The following HAUS8 variants were observed in gnomAD, a reference collection of about 807,000 sequenced individuals.
HAUS8 encodes the protein HAUS augmin-like complex subunit 8.
A neutral mutation model predicts 42.9 loss-of-function variants in HAUS8; 38 were observed. The ratio of observed to expected loss-of-function variants is 0.89; its 90% CI spans 0.68 to 1.16. HAUS8 has a LOEUF of 1.16. Ranked by LOEUF, HAUS8 falls within the 50% of genes most tolerant of loss-of-function variation. The pLI, the probability that HAUS8 is intolerant of heterozygous loss-of-function variation, is 0.00. For synonymous variants in HAUS8, 199 were observed against 205.8 expected, an observed-to-expected ratio of 0.97 and a Z score of 0.28; for missense variants, 494 against 511.6, an observed-to-expected ratio of 0.97 and a Z score of 0.33.
chr19:17,068,610 G>A (rs955184685), intron 3 of HAUS8, among the ~76,000 whole-genome samples: 2 of 151,900 alleles, frequency 1.3e-5, no homozygotes, highest in Non-Finnish European at 2.9e-5. Flanking sequence ...CTACAAAAAC[G>A]TTTAAAAATT....
rs201212472 is a variant in HAUS8, at chr19:17,049,998, C to T, written c.1108G>A (p.Asp370Asn). 55 of 1,604,048 alleles carry T rather than the reference C, an allele frequency of 3.4e-5. No individual in the cohort carries two copies. The highest frequency in any genetic ancestry group is 1.6e-4 in the South Asian group (14 of 89,738). ...GGGGCTGACGAGGCACCCGGGTTGT[C>T]GTCCTCAGACAGGGGCGTGTTCTTG... ...APKNTPLSED[D>N]NPGASSAPAQ... The change falls in exon 11 of 11, where the codon GAC becomes AAC. Residue 370 changes from aspartate to asparagine, a missense_variant. By Grantham distance (23) the Asp-to-Asn change is conservative (BLOSUM62 1). Transcript: ENST00000253669.
In HAUS8 at chr19:17,050,023, G is replaced by C; in HGVS notation, c.1083C>G (p.Pro361=). The change falls in exon 11 of 11, where the codon CCC becomes CCG. Residue 361 remains proline, a synonymous_variant. Transcript: ENST00000253669. ...DSACRESGGA[P]KNTPLSEDDN... is the part of the protein sequence containing the mutation. ...CGTCCTCAGACAGGGGCGTGTTCTT[G>C]GGTGCTCCCCCAGATTCTCTGCAGG... 4 of 1,608,870 alleles carry C rather than the reference G, an allele frequency of 2.5e-6. No individual in the cohort carries two copies. In the South Asian group the frequency reaches 4.4e-5, roughly 18 times the overall value.
rs371460670 is a variant in HAUS8 at position 17,058,512 on chromosome 19, A to C, written c.645+37T>G. On this transcript the variant is annotated intron_variant, in intron 8 of 10. Transcript: ENST00000253669. ...GTGGAGATGGGACAGATTCACAGGG[A>C]ACACTCACTGGTCACAGAGTGTCAC... 1.4e-4 allele frequency: 210 copies of C among 1,540,718 alleles called. No homozygotes were observed. The South Asian group carries it at 2.3e-3, about 17-fold the overall frequency.
intron 8 of HAUS8, 87 bp downstream of exon 8, chr19:17,058,462 C>A: frequency 7.5e-7 from 1 of 1,329,400 alleles, no homozygotes; most frequent in South Asian, 1.4e-5. Context: ...AGCAATGATA[C>A]CCTAGCACGA....
chr19:17,062,776 G>A lies in HAUS8; in HGVS notation c.151C>T (p.Pro51Ser). ...QYEKKTTQKA[P>S]AGDGSQTRGK... Reference sequence around the variant, plus strand: ...CGGGTCTGTGACCCATCTCCTGCAGGAGCCTGTTATGGGAACACATGACAC... The same window carrying A: ...CGGGTCTGTGACCCATCTCCTGCAGAAGCCTGTTATGGGAACACATGACAC... The change falls in exon 4 of 11, where the codon CCT becomes TCT. Residue 51 changes from proline (P) to serine (S), a missense_variant. Coordinates refer to ENST00000253669, the MANE Select transcript of HAUS8 (RefSeq NM_033417.2). 2 of 1,613,192 alleles carry A rather than the reference G, an allele frequency of 1.2e-6. No homozygotes were observed. Among genetic ancestry groups the A allele is most frequent in the South Asian group, 1.1e-5 (1 of 91,056 alleles).
chr19:17,073,456 T>C (rs1255972396), intron 1 of HAUS8, 121 bp from the exon 2 acceptor site: 1 of 907,184 alleles, frequency 1.1e-6, no homozygotes, highest in East Asian at 2.4e-5. Context: ...CAGAGGACAA[T>C]TTCAGTGAGG....
intron 3 of HAUS8, among the ~76,000 whole-genome samples, chr19:17,064,041 C>T (rs752290771): frequency 1.3e-5 from 2 of 152,176 alleles, no homozygotes; most frequent in Admixed American, 6.5e-5. Context: ...TCTAATACAG[C>T]AGGGGTGCAG....
intron 3 of HAUS8, among the ~76,000 whole-genome samples, chr19:17,068,301 A>G (rs1599988955): frequency 6.6e-6 from 1 of 151,044 alleles, no homozygotes; most frequent in East Asian, 1.9e-4. Context: ...TTTAGTTGAG[A>G]CGGGGTTTCG....
intron 8 of HAUS8, among the ~76,000 whole-genome samples, chr19:17,056,327 C>A (rs2057326394): frequency 6.6e-6 from 1 of 152,194 alleles, no homozygotes; most frequent in Non-Finnish European, 1.5e-5. Flanking sequence ...CCACTCCCAC[C>A]CCAAACATGC....
chr19:17,072,433 C>G lies in HAUS8; in HGVS notation c.91+841G>C, dbSNP rs2057433011. ...TCTCGGCTCACAGCAACCTCCACTT[C>G]CCAGGTTCAAGCCATTCTCCAGCCT... On this transcript the variant is annotated intron_variant, in intron 2 of 10. Coordinates refer to ENST00000253669, the MANE Select transcript of HAUS8 (RefSeq NM_033417.2). Among the ~76,000 whole-genome samples the G allele has an allele frequency of 2.1e-5, 3 of 144,448 alleles. No individual in the cohort carries two copies. In the South Asian group the frequency reaches 6.6e-4, roughly 32 times the overall value. 94.8% of individuals were successfully genotyped at this position (144,448 alleles called of 152,430 possible). A position where few individuals can be genotyped will look rare whatever the true frequency, so the allele number is the denominator to read the frequency against.
Position 17,055,955 on chromosome 19 carries a change from C to G in HAUS8, c.693G>C (p.Glu231Asp). 5 of 1,614,182 alleles carry G rather than the reference C, an allele frequency of 3.1e-6. No individual in the cohort carries two copies. Among genetic ancestry groups the G allele is most frequent in the Non-Finnish European group, 3.4e-6 (4 of 1,180,004 alleles). ...PFEAVATRFKEQYRTFATALD... is the reference protein window; with the variant it reads ...PFEAVATRFKDQYRTFATALD... ...GGGCCGTGGCGAATGTCCTGTATTG[C>G]TCCTTGAAGCGTGTGGCCACTGCCT... The change falls in exon 9 of 11, where the codon GAG becomes GAC. Residue 231 changes from glutamate (E) to aspartate (D), a missense_variant. Glu to Asp is a conservative substitution (Grantham distance 45, BLOSUM62 2). Transcript: ENST00000253669.
At chr19:17,065,213 G>A (rs915041497) in intron 3 of HAUS8, among the ~76,000 whole-genome samples, 15 of 152,354 alleles carry the variant, frequency 9.8e-5, no homozygotes, top group Admixed American at 9.8e-4. Context: ...TATGTGCCTA[G>A]TGGGAACATA....
At chr19:17,065,968 C>T (rs1350528057) in intron 3 of HAUS8, among the ~76,000 whole-genome samples, 2 of 118,526 alleles carry the variant, frequency 1.7e-5, no homozygotes, top group Non-Finnish European at 3.6e-5. Context: ...CATCTCTTAT[C>T]TTCTAAAAAA....
chr19:17,064,154 A>G (rs757900486), intron 3 of HAUS8, among the ~76,000 whole-genome samples: 1 of 152,228 alleles, frequency 6.6e-6, no homozygotes, highest in Non-Finnish European at 1.5e-5. Flanking sequence ...CAATGGCACT[A>G]AACACCAAAT....
At chr19:17,059,962 A>G (rs2057350006) in intron 5 of HAUS8, 35 bp downstream of exon 5, 1 of 1,462,862 alleles carries the variant, frequency 6.8e-7, no homozygotes, top group Admixed American at 1.7e-5. Context: ...TGCAACCCCC[A>G]GTGAGTGACA....
intron 9 of HAUS8, chr19:17,055,138 A>G (rs2057313875): frequency 6.8e-5 from 2 of 29,616 alleles, no homozygotes; most frequent in African/African-American, 1.5e-4. Flanking sequence ...AAAAAAAAAA[A>G]AAAAAATATA....
intron 6 of HAUS8, among the ~76,000 whole-genome samples, chr19:17,059,128 G>A (rs918635229): frequency 6.6e-6 from 1 of 152,200 alleles, no homozygotes; most frequent in Non-Finnish European, 1.5e-5. Context: ...CAGCAGCTGG[G>A]TAGTCAAGGA....
intron 2 of HAUS8, among the ~76,000 whole-genome samples, chr19:17,069,514 T>C (rs61059679): frequency 2.0e-4 from 29 of 147,740 alleles, no homozygotes; most frequent in African/African-American, 5.3e-4. Context: ...TACCTTTTAC[T>C]CCCCCCGCCC....
intron 7 of HAUS8, 44 bp from the exon 8 acceptor site, chr19:17,058,751 C>T (rs927856719): frequency 1.2e-6 from 2 of 1,605,732 alleles, no homozygotes; most frequent in African/African-American, 2.7e-5. Flanking sequence ...GGGACTCCCT[C>T]CCCGTGAATG....
Sources: gnomAD v4.1 joint callset for allele counts (sites outside exome capture counted in the v4.1 genomes callset) on GRCh38, gnomAD v4.1.1 for gene constraint, MANE v1.5 for transcripts, NCBI Gene and HGNC (gene_info 2026-07-23, HGNC 2026-07-21) for gene names.